The following DAB2IP variants were observed in gnomAD, a reference collection of about 807,000 sequenced individuals.
DAB2IP encodes DAB2 interacting protein, also known as disabled homolog 2-interacting protein.
Under a neutral mutation model 107.2 loss-of-function variants are expected in DAB2IP, and 28 were observed. The observed-to-expected ratio is 0.26, with a 90% CI of 0.19 to 0.36. The LOEUF is 0.36. Ranked by LOEUF, DAB2IP falls within the 10% of genes least tolerant of loss-of-function variation. The probability of loss-of-function intolerance (pLI) is 1.00; values close to 1 mark genes in which losing one functional copy is unlikely to be tolerated. For synonymous variants in DAB2IP, 755 were observed against 706.4 expected, an observed-to-expected ratio of 1.07 and a Z score of -1.09; for missense variants, 1,400 against 1,644.7, an observed-to-expected ratio of 0.85 and a Z score of 2.57.
chr9:121,734,057 T>C (rs994879742), intron 3 of DAB2IP, among the ~76,000 whole-genome samples: 7 of 152,248 alleles, frequency 4.6e-5, no homozygotes, highest in Non-Finnish European at 1.5e-5. Flanking sequence ...ATGGTCACTG[T>C]GTACTCTGTA....
At chr9:121,581,630 G>T (rs940311151) in intron 1 of DAB2IP, among the ~76,000 whole-genome samples, 1 of 152,232 alleles carries the variant, frequency 6.6e-6, no homozygotes, top group African/African-American at 2.4e-5. Context: ...CTCTGGTCCT[G>T]CTGGCTTCAA....
At chr9:121,707,336 G>GC (rs1330058688) in intron 3 of DAB2IP, among the ~76,000 whole-genome samples, 2 of 152,112 alleles carry the variant, frequency 1.3e-5, no homozygotes, top group African/African-American at 4.8e-5. Flanking sequence ...CCCTTCTGCC[G>GC]CCCCCCTCAG....
intron 3 of DAB2IP, among the ~76,000 whole-genome samples, chr9:121,725,275 C>T (rs983259672): frequency 6.6e-6 from 1 of 152,202 alleles, no homozygotes; most frequent in African/African-American, 2.4e-5. Context: ...ATTCTCGACA[C>T]AGCCATTGTC....
chr9:121,591,121 T>C (rs1208057111), intron 1 of DAB2IP, among the ~76,000 whole-genome samples: 1 of 152,058 alleles, frequency 6.6e-6, no homozygotes, highest in African/African-American at 2.4e-5. Flanking sequence ...TATTTGAGGA[T>C]CTGGAAGTTG....
At chr9:121,620,089 T>C (rs1469018496) in intron 1 of DAB2IP, among the ~76,000 whole-genome samples, 1 of 152,210 alleles carries the variant, frequency 6.6e-6, no homozygotes, top group Non-Finnish European at 1.5e-5. Flanking sequence ...GTTCTCCAAG[T>C]TTGGATCCTG....
intron 1 of DAB2IP, among the ~76,000 whole-genome samples, chr9:121,657,947 G>A (rs767446224): frequency 3.9e-5 from 6 of 152,086 alleles, no homozygotes; most frequent in Non-Finnish European, 8.8e-5. Flanking sequence ...ACTTGCCCGT[G>A]GTTACCTAAA....
At position 121,772,085 on chromosome 9, in the gene DAB2IP, C is replaced by T. The variant is rs867536877; in HGVS notation, c.2079-522C>T. Among the ~76,000 whole-genome samples the T allele has an allele frequency of 8.5e-5, 13 of 152,164 alleles. No homozygotes were observed. The highest frequency in any genetic ancestry group is 1.9e-4 in the African/African-American group (8 of 41,430). Reference sequence around the variant, plus strand: ...TGTTTTTGCCAGGAACTCCAGCCCCCGCCTGCCAGTCAAACAAGGGAGCGG... The same window carrying T: ...TGTTTTTGCCAGGAACTCCAGCCCCTGCCTGCCAGTCAAACAAGGGAGCGG... On this transcript the variant is annotated intron_variant, in intron 11 of 15. Coordinates refer to ENST00000408936, the Ensembl canonical transcript of DAB2IP. This position sits in a 1 kb window ranked among gnomAD's most constrained non-coding sequence, Gnocchi z 4.7.
intron 1 of DAB2IP, among the ~76,000 whole-genome samples, chr9:121,585,506 T>TA (rs1193824162): frequency 6.6e-6 from 1 of 152,256 alleles, no homozygotes; most frequent in East Asian, 1.9e-4. Flanking sequence ...TGGACTCTAT[T>TA]AATAACTGCA....
rs560371153 is a variant in DAB2IP, at chr9:121,594,470, C to T, written c.40+27242C>T. Among the ~76,000 whole-genome samples, 49 of 152,226 alleles carry T rather than the reference C, an allele frequency of 3.2e-4. 1 individual carries two copies. Among genetic ancestry groups the T allele is most frequent in the Admixed American group, 3.1e-3 (48 of 15,296 alleles). On this transcript the variant is annotated intron_variant, in intron 1 of 16. Transcript: ENST00000259371. Reference sequence around the variant, plus strand: ...CAGGCTGGTCTCGAACTCCTGACCTCAGGTGATCTACCCGCCTCGGCCTCC... The same window carrying T: ...CAGGCTGGTCTCGAACTCCTGACCTTAGGTGATCTACCCGCCTCGGCCTCC...
intron 1 of DAB2IP, among the ~76,000 whole-genome samples, chr9:121,612,126 C>G (rs2118977296): frequency 6.6e-6 from 1 of 151,498 alleles, no homozygotes; most frequent in East Asian, 1.9e-4. Flanking sequence ...ATCTACCAGC[C>G]TGGGAAACAT....
chr9:121,672,998 G>A (rs1450171204), intron 1 of DAB2IP, among the ~76,000 whole-genome samples: 2 of 152,360 alleles, frequency 1.3e-5, no homozygotes, highest in Middle Eastern at 3.4e-3. Context: ...AATCCCCAGG[G>A]TCCAGAGTTA....
Position 121,651,822 on chromosome 9 carries a change from A to C in DAB2IP, c.47A>C (p.Tyr16Ser). ...AGGAAGAGCACCGGGAGGTCCTCCT[A>C]CTACTACCGGCTGCTGAGGCGGCCC... The change falls in exon 1 of 16, where the codon TAC becomes TCC. Residue 16 changes from tyrosine to serine, a missense_variant. Physicochemically the swap from Tyr to Ser is moderately radical, Grantham distance 144. Transcript: ENST00000408936. This position sits in a 1 kb window ranked among gnomAD's most constrained non-coding sequence, Gnocchi z 5.1. The C allele has an allele frequency of 2.0e-6, 3 of 1,470,278 alleles. No individual in the cohort carries two copies. Among genetic ancestry groups the C allele is most frequent in the Non-Finnish European group, 2.7e-6 (3 of 1,108,854 alleles). 91.1% of individuals were successfully genotyped at this position (1,470,278 alleles called of 1,614,324 possible).
At chr9:121,644,108 T>A (rs112511844) in intron 1 of DAB2IP, among the ~76,000 whole-genome samples, 36 of 150,490 alleles carry the variant, frequency 2.4e-4, no homozygotes, top group African/African-American at 8.8e-4. Flanking sequence ...GCATTCGAGG[T>A]CGCAGTGAGC....
chr9:121,749,658 G>T (rs950176535), intron 3 of DAB2IP, among the ~76,000 whole-genome samples: 3 of 152,210 alleles, frequency 2.0e-5, no homozygotes, highest in African/African-American at 7.2e-5. Flanking sequence ...CCTCACGGGG[G>T]TCTACTGCCC....
intron 1 of DAB2IP, among the ~76,000 whole-genome samples, chr9:121,584,892 T>C (rs1443259401): frequency 6.9e-6 from 1 of 145,052 alleles, no homozygotes; most frequent in African/African-American, 2.6e-5. Context: ...TTTATTTTTA[T>C]TTATTTTTAC....
At chr9:121,725,728 G>A (rs1831207722) in intron 3 of DAB2IP, among the ~76,000 whole-genome samples, 1 of 152,208 alleles carries the variant, frequency 6.6e-6, no homozygotes, top group African/African-American at 2.4e-5. Flanking sequence ...CTTGAGGGAG[G>A]GAAAGGGCTT....
intron 10 of DAB2IP, 33 bp from the exon 11 acceptor site, chr9:121,770,503 TGGTCCCAGGA>T (rs1834639311): frequency 2.5e-6 from 4 of 1,592,680 alleles, no homozygotes; most frequent in Non-Finnish European, 3.4e-6. Context: ...CCTACCCATG[TGGTCCCAGGA>T]GGTCACACCT....
chr9:121,581,154 G>A (rs550510349), intron 1 of DAB2IP, among the ~76,000 whole-genome samples: 7 of 152,304 alleles, frequency 4.6e-5, no homozygotes, highest in African/African-American at 2.4e-5. Context: ...AGGCAGCTCA[G>A]GTGAGGCTGG....
chr9:121,623,929 C>G (rs1159002996), intron 1 of DAB2IP, among the ~76,000 whole-genome samples: 2 of 152,206 alleles, frequency 1.3e-5, no homozygotes, highest in Non-Finnish European at 2.9e-5. Context: ...TACTTCACAT[C>G]TGTAAGCTGC....
Sources: gnomAD v4.1 joint callset for allele counts (sites outside exome capture counted in the v4.1 genomes callset) on GRCh38, gnomAD v4.1.1 for gene constraint, Gnocchi (gnomAD v3.1) non-coding constraint, MANE v1.5 for transcripts, NCBI Gene and HGNC (gene_info 2026-07-23, HGNC 2026-07-21) for gene names.